The following GRM1 variants were observed in gnomAD, a reference collection of about 807,000 sequenced individuals.
GRM1 encodes glutamate metabotropic receptor 1, also known as metabotropic glutamate receptor 1.
In GRM1, 33 loss-of-function variants were observed where a neutral mutation model predicts 90.9. The ratio of observed to expected loss-of-function variants is 0.36; its 90% CI spans 0.28 to 0.49. GRM1 has a LOEUF of 0.49. GRM1 is among the 20% of genes least tolerant of loss of function. GRM1 has a pLI of 0.99. For synonymous variants in GRM1, 700 were observed against 613.2 expected (o/e 1.14, Z -2.09); for missense variants, 1,190 against 1,534.3 (o/e 0.78, Z 3.75).
intron 1 of GRM1, among the ~76,000 whole-genome samples, chr6:146,140,133 CTTTCT>C (rs1562488207): frequency 2.3e-4 from 28 of 122,392 alleles, no homozygotes; most frequent in African/African-American, 7.2e-4. Context: ...TTCTTTCTTT[CTTTCT>C]TTCCTTCCTT....
chr6:146,355,322 G>T (rs1318152638), intron 4 of GRM1, among the ~76,000 whole-genome samples: 1 of 152,122 alleles, frequency 6.6e-6, no homozygotes, highest in East Asian at 1.9e-4. Context: ...ATTCTCACTT[G>T]GATATCACTC....
At chr6:146,348,664 C>A (rs1010871819) in intron 3 of GRM1, among the ~76,000 whole-genome samples, 1 of 152,234 alleles carries the variant, frequency 6.6e-6, no homozygotes, top group Non-Finnish European at 1.5e-5. Context: ...CTATATGACA[C>A]TGACAGAATG....
chr6:146,192,296 A>G (rs1331558409), intron 2 of GRM1, among the ~76,000 whole-genome samples: 1 of 152,210 alleles, frequency 6.6e-6, no homozygotes, highest in Non-Finnish European at 1.5e-5. Context: ...TACAATTAGC[A>G]TAACCAAACT....
At chr6:146,126,970 A>G in intron 1 of GRM1, among the ~76,000 whole-genome samples, 1 of 152,326 alleles carries the variant, frequency 6.6e-6, no homozygotes, top group South Asian at 2.1e-4. Flanking sequence ...ATAAAAATAT[A>G]CAAAATTATA....
At chr6:146,237,210 A>C (rs1780679783) in intron 2 of GRM1, among the ~76,000 whole-genome samples, 1 of 152,060 alleles carries the variant, frequency 6.6e-6, no homozygotes, top group African/African-American at 2.4e-5. Context: ...CTTAAAGGGG[A>C]AAGTTACACT....
At chr6:146,036,315 GATAT>G (rs1201228628) in intron 1 of GRM1, among the ~76,000 whole-genome samples, 2 of 151,936 alleles carry the variant, frequency 1.3e-5, no homozygotes. Context: ...ATGCTGTTCT[GATAT>G]ATGTTGGAAA....
At chr6:146,292,846 C>G (rs1783036988) in intron 2 of GRM1, among the ~76,000 whole-genome samples, 1 of 151,722 alleles carries the variant, frequency 6.6e-6, no homozygotes, top group African/African-American at 2.4e-5. Context: ...TTCATGATAG[C>G]CAAAAGATGG....
intron 1 of GRM1, among the ~76,000 whole-genome samples, chr6:146,088,508 A>G (rs1582985856): frequency 1.3e-5 from 2 of 152,240 alleles, no homozygotes; most frequent in East Asian, 3.9e-4. Flanking sequence ...TCCAGAACCC[A>G]GTGTTTAGTC....
intron 7 of GRM1, among the ~76,000 whole-genome samples, chr6:146,419,511 G>A (rs141815640): frequency 6.6e-6 from 1 of 152,258 alleles, no homozygotes; most frequent in East Asian, 1.9e-4. Flanking sequence ...CCAGTTCAGG[G>A]CACTATATGG....
chr6:146,202,817 T>C (rs984723735), intron 2 of GRM1, among the ~76,000 whole-genome samples: 2 of 152,186 alleles, frequency 1.3e-5, no homozygotes, highest in African/African-American at 4.8e-5. Context: ...GAAAACTTTT[T>C]AAAAATTAGT....
intron 5 of GRM1, among the ~76,000 whole-genome samples, chr6:146,368,510 T>G (rs1227366079): frequency 1.3e-5 from 2 of 152,126 alleles, no homozygotes; most frequent in African/African-American, 4.8e-5. Flanking sequence ...GCTGTGGATT[T>G]GTTCATATAT....
rs982432643 is a variant in GRM1, at chr6:146,242,188, A to G, written c.951-62423A>G. On this transcript the variant is annotated intron_variant, in intron 2 of 7. Transcript: ENST00000282753. Reference sequence around the variant, plus strand: ...TGTGATTACACCACCTACAATGTATAGTGTGACTACCATGTGTCTAGAGCT... The same window carrying G: ...TGTGATTACACCACCTACAATGTATGGTGTGACTACCATGTGTCTAGAGCT... Among the ~76,000 whole-genome samples, 5 of 152,250 alleles carry G rather than the reference A, an allele frequency of 3.3e-5. No homozygotes were observed. In the East Asian group the frequency reaches 9.7e-4, roughly 29 times the overall value.
At chr6:146,117,147 T>C (rs898029413) in intron 1 of GRM1, among the ~76,000 whole-genome samples, 5 of 151,240 alleles carry the variant, frequency 3.3e-5, no homozygotes, top group African/African-American at 1.2e-4. Flanking sequence ...CTTGGATTTA[T>C]TTATTTATTT....
At chr6:146,368,249 C>T (rs1011727129) in intron 5 of GRM1, among the ~76,000 whole-genome samples, 1 of 115,874 alleles carries the variant, frequency 8.6e-6, no homozygotes, top group Non-Finnish European at 1.7e-5. Context: ...TCATTTTCTA[C>T]AGTTTTTTTT....
At chr6:146,116,872 G>C (rs1319231217) in intron 1 of GRM1, among the ~76,000 whole-genome samples, 2 of 151,398 alleles carry the variant, frequency 1.3e-5, no homozygotes. Flanking sequence ...TTCTTATTTT[G>C]GCATAAAATT....
chr6:146,323,203 C>T (rs1023448373), intron 3 of GRM1, among the ~76,000 whole-genome samples: 14 of 152,178 alleles, frequency 9.2e-5, no homozygotes, highest in African/African-American at 3.4e-4. Flanking sequence ...TACAGTCCCA[C>T]CAACAGTGTA....
chr6:146,298,872 T>G (rs1783275496), intron 2 of GRM1, among the ~76,000 whole-genome samples: 1 of 152,178 alleles, frequency 6.6e-6, no homozygotes, highest in South Asian at 2.1e-4. Flanking sequence ...TTACAAAAGC[T>G]ATGAAAACAC....
intron 1 of GRM1, among the ~76,000 whole-genome samples, chr6:146,146,245 C>T (rs1446765179): frequency 6.7e-6 from 1 of 150,160 alleles, no homozygotes; most frequent in Non-Finnish European, 1.5e-5. Context: ...ACCATCACCA[C>T]ACCTGGCTAA....
chr6:146,414,368 C>T (rs1037672833), intron 7 of GRM1, among the ~76,000 whole-genome samples: 13 of 118,334 alleles, frequency 1.1e-4, no homozygotes, highest in Non-Finnish European at 1.9e-4. Flanking sequence ...TTTATTGGGC[C>T]GTTTGCCTTT....
Sources: gnomAD v4.1 joint callset for allele counts (sites outside exome capture counted in the v4.1 genomes callset) on GRCh38, gnomAD v4.1.1 for gene constraint, MANE v1.5 for transcripts, NCBI Gene and HGNC (gene_info 2026-07-23, HGNC 2026-07-21) for gene names.